BICD1: variants seen among roughly 807,000 people sequenced by gnomAD.
BICD1 encodes the protein protein bicaudal D homolog 1.
BICD1 carries 35 observed loss-of-function variants against 92.5 expected under a neutral mutation model. The ratio of observed to expected loss-of-function variants is 0.38; its 90% CI spans 0.29 to 0.50. The LOEUF is 0.50. Ranked by LOEUF, BICD1 falls within the 20% of genes least tolerant of loss-of-function variation. BICD1 has a pLI of 0.93. For synonymous variants in BICD1, 429 were observed against 465.1 expected, an observed-to-expected ratio of 0.92 and a Z score of 1.00; for missense variants, 950 against 1,189.8, an observed-to-expected ratio of 0.80 and a Z score of 2.97.
chr12:32,332,574 C>T, intron 5 of BICD1: 1 of 474,248 alleles, frequency 2.1e-6, no homozygotes, highest in Non-Finnish European at 2.8e-6. Context: ...GAAGACTCAG[C>T]CTCCTGGGGA....
intron 1 of BICD1, among the ~76,000 whole-genome samples, chr12:32,178,015 G>T (rs962792059): frequency 4.6e-5 from 7 of 151,144 alleles, no homozygotes; most frequent in African/African-American, 1.5e-4. Context: ...TGTGATTATG[G>T]GCATTTTTGT....
At chr12:32,148,772 C>T (rs974118574) in intron 1 of BICD1, among the ~76,000 whole-genome samples, 1 of 152,120 alleles carries the variant, frequency 6.6e-6, no homozygotes, top group African/African-American at 2.4e-5. Context: ...GTAATCCCAG[C>T]AGTTTAGGAG....
chr12:32,178,480 G>T (rs1056022818), intron 1 of BICD1, among the ~76,000 whole-genome samples: 4 of 152,054 alleles, frequency 2.6e-5, no homozygotes, highest in African/African-American at 9.6e-5. Flanking sequence ...CCCAGTTCTT[G>T]CTGGGTTCTA....
chr12:32,287,829 G>C (rs1300773204), intron 2 of BICD1, among the ~76,000 whole-genome samples: 1 of 152,224 alleles, frequency 6.6e-6, no homozygotes, highest in East Asian at 1.9e-4. Context: ...GAGCCACTGT[G>C]CCCGGCCTCG....
At chr12:32,183,799 TAACATCTG>T (rs1005897260) in intron 1 of BICD1, among the ~76,000 whole-genome samples, 1 of 152,174 alleles carries the variant, frequency 6.6e-6, no homozygotes, top group African/African-American at 2.4e-5. Flanking sequence ...TATCTGTGAG[TAACATCTG>T]AACCCTCAGC....
At chr12:32,301,497 G>A (rs1014193758) in intron 3 of BICD1, among the ~76,000 whole-genome samples, 13 of 152,052 alleles carry the variant, frequency 8.5e-5, no homozygotes, top group Admixed American at 1.3e-4. Context: ...AGTAGAGGCC[G>A]AGTGCAGTGG....
intron 2 of BICD1, among the ~76,000 whole-genome samples, chr12:32,285,341 C>A (rs568390911): frequency 6.6e-6 from 1 of 152,188 alleles, no homozygotes; most frequent in South Asian, 2.1e-4. Flanking sequence ...ATCATGTAAT[C>A]TTAAGTATTA....
chr12:32,199,100 C>T (rs565513995), intron 1 of BICD1, among the ~76,000 whole-genome samples: 8 of 151,906 alleles, frequency 5.3e-5, no homozygotes, highest in African/African-American at 1.5e-4. Flanking sequence ...GGCATAAATA[C>T]GAGGCAGAAA....
chr12:32,269,251 T>G (rs1947076560), intron 2 of BICD1, among the ~76,000 whole-genome samples: 1 of 152,194 alleles, frequency 6.6e-6, no homozygotes, highest in Non-Finnish European at 1.5e-5. Context: ...AAAGATAATA[T>G]TGGAAATAGG....
intron 8 of BICD1, among the ~76,000 whole-genome samples, chr12:32,343,642 C>T (rs908552147): frequency 6.6e-6 from 1 of 152,106 alleles, no homozygotes; most frequent in African/African-American, 2.4e-5. Context: ...TTTCAATCTC[C>T]TCCTTCCTTC....
intron 2 of BICD1, among the ~76,000 whole-genome samples, chr12:32,270,684 G>C (rs528458731): frequency 6.6e-6 from 1 of 152,260 alleles, no homozygotes; most frequent in Non-Finnish European, 1.5e-5. Flanking sequence ...AATTCATTTG[G>C]CTGGTATTGA....
intron 2 of BICD1, among the ~76,000 whole-genome samples, chr12:32,219,336 C>G (rs1407769397): frequency 1.3e-5 from 2 of 152,120 alleles, no homozygotes; most frequent in Non-Finnish European, 2.9e-5. Flanking sequence ...ATGTCAAATT[C>G]TCTTCCATAA....
At chr12:32,299,037 T>C (rs2136204743) in intron 3 of BICD1, among the ~76,000 whole-genome samples, 1 of 152,274 alleles carries the variant, frequency 6.6e-6, no homozygotes, top group Admixed American at 6.5e-5. Flanking sequence ...GAGCTTGTAG[T>C]CCCAATAGGG....
chr12:32,175,574 C>T (rs1326400183), intron 1 of BICD1, among the ~76,000 whole-genome samples: 3 of 152,146 alleles, frequency 2.0e-5, no homozygotes, highest in African/African-American at 7.2e-5. Context: ...ACCTCGGCCT[C>T]CCCAAAGTGC....
Position 32,216,247 on chromosome 12 carries a change from G to T in BICD1, c.214G>T (p.Ala72Ser), listed in dbSNP as rs955091441. Residue 72 changes from alanine to serine, a missense_variant and splice_region_variant, in exon 2 of 10, where the codon GCA (alanine) becomes TCA (serine). Physicochemically the swap from Ala to Ser is moderately conservative, Grantham distance 99. This residue lies in a region of BICD1 where 202 missense variants were observed against 205.3 expected (regional missense o/e 0.98). Coordinates refer to ENST00000652176, the MANE Select transcript of BICD1 (RefSeq NM_001714.4). ...CTTTTTCTTCCCATATACTCTGCAG[G>T]CATTTGGGCAGTCCTTCTCCATCCA... ...LKQELEQLKE[A>S]FGQSFSIHRK... 1 of 1,613,110 alleles carries T rather than the reference G, an allele frequency of 6.2e-7. No homozygotes were observed. The highest frequency in any genetic ancestry group is 8.5e-7 in the Non-Finnish European group (1 of 1,179,808).
At chr12:32,194,888 AT>A (rs1944682187) in intron 1 of BICD1, among the ~76,000 whole-genome samples, 1 of 151,282 alleles carries the variant, frequency 6.6e-6, no homozygotes, top group African/African-American at 2.5e-5. Context: ...ATCCCAAAAA[AT>A]AAAATAAAAC....
At chr12:32,344,947 T>C (rs1222221567) in intron 8 of BICD1, among the ~76,000 whole-genome samples, 1 of 152,154 alleles carries the variant, frequency 6.6e-6, no homozygotes, top group Non-Finnish European at 1.5e-5. Context: ...GGGGAAGGCC[T>C]GGGCACTTCT....
intron 2 of BICD1, among the ~76,000 whole-genome samples, chr12:32,232,894 G>A (rs1945934964): frequency 6.6e-6 from 1 of 152,058 alleles, no homozygotes; most frequent in Non-Finnish European, 1.5e-5. Context: ...ATAAGAAGGG[G>A]CCGAAACTTC....
At chr12:32,356,936 T>G (rs574050070) in intron 8 of BICD1, among the ~76,000 whole-genome samples, 2 of 152,280 alleles carry the variant, frequency 1.3e-5, no homozygotes, top group East Asian at 3.9e-4. Context: ...TACCACTGTT[T>G]TGACCACTTT....
Sources: gnomAD v4.1 joint callset for allele counts (sites outside exome capture counted in the v4.1 genomes callset) on GRCh38, gnomAD v4.1.1 for gene constraint, gnomAD v4.1.1 regional missense constraint, MANE v1.5 for transcripts, NCBI Gene and HGNC (gene_info 2026-07-23, HGNC 2026-07-21) for gene names.